ZCCHC24: variants seen among roughly 807,000 people sequenced by gnomAD.
The protein encoded by ZCCHC24 is zinc finger CCHC-type containing 24.
In ZCCHC24, 10 loss-of-function variants were observed where a neutral mutation model predicts 26.2. The ratio of observed to expected loss-of-function variants is 0.38; its 90% CI spans 0.24 to 0.65. The LOEUF is 0.65. Ranked by LOEUF, ZCCHC24 falls within the 30% of genes least tolerant of loss-of-function variation. ZCCHC24 has a pLI of 0.54. For missense variants in ZCCHC24, 243 were observed against 329.1 expected (o/e 0.74, Z 2.03); for synonymous variants, 144 against 147.1 (o/e 0.98, Z 0.15).
At chr10:79,408,328 G>C (rs1856745606) in intron 2 of ZCCHC24, among the ~76,000 whole-genome samples, 1 of 152,200 alleles carries the variant, frequency 6.6e-6, no homozygotes, top group South Asian at 2.1e-4. Flanking sequence ...GGACTACCCA[G>C]GTTAGGCCAG....
In ZCCHC24 at chr10:79,423,581, CTATATATATATATATATA is replaced by C. The variant is rs561884774; in HGVS notation, c.447+8959_447+8976del. On this transcript the variant is annotated intron_variant, in intron 2 of 3. Coordinates refer to ENST00000372336, the MANE Select transcript of ZCCHC24 (RefSeq NM_153367.4). Reference sequence around the variant, plus strand: ...AACAAAAACAAACAAAATATATATACTATATATATATATATATATATATATATATTTTCTGACTGCATT... The same window carrying C: ...AACAAAAACAAACAAAATATATATACTATATATATATTTTCTGACTGCATT... Among the ~76,000 whole-genome samples the C allele has an allele frequency of 2.8e-4, 15 of 53,746 alleles. 1 individual carries two copies. The highest frequency in any genetic ancestry group is 8.5e-4 in the African/African-American group (11 of 12,992). 35.3% of individuals were successfully genotyped at this position (53,746 alleles called of 152,430 possible).
chr10:79,435,478 A>G (rs1391014454), intron 1 of ZCCHC24, among the ~76,000 whole-genome samples: 1 of 152,168 alleles, frequency 6.6e-6, no homozygotes, highest in Non-Finnish European at 1.5e-5. Flanking sequence ...GGAGGGCCGC[A>G]GCCTTGCCCC....
At chr10:79,388,617 G>GC (rs1440952578) in intron 3 of ZCCHC24, among the ~76,000 whole-genome samples, 6 of 152,182 alleles carry the variant, frequency 3.9e-5, no homozygotes. Context: ...CTGGTTTGCA[G>GC]CCCCCACCCC....
At chr10:79,439,141 A>G (rs1857257712) in intron 1 of ZCCHC24, among the ~76,000 whole-genome samples, 2 of 152,208 alleles carry the variant, frequency 1.3e-5, no homozygotes, top group South Asian at 4.1e-4. Context: ...AAACATGTGT[A>G]TATGCATGTG....
chr10:79,393,914 A>T (rs891221499), intron 3 of ZCCHC24, among the ~76,000 whole-genome samples: 1 of 151,310 alleles, frequency 6.6e-6, no homozygotes, highest in African/African-American at 2.4e-5. Flanking sequence ...AGCTGGCCCT[A>T]CCCCTCCCAC....
intron 3 of ZCCHC24, among the ~76,000 whole-genome samples, chr10:79,387,404 C>T (rs1477785072): frequency 6.6e-6 from 1 of 152,204 alleles, no homozygotes; most frequent in African/African-American, 2.4e-5. Flanking sequence ...TCCCTGCTCG[C>T]TCTTTTCCTC....
intron 1 of ZCCHC24, among the ~76,000 whole-genome samples, chr10:79,443,874 G>T (rs901021473): frequency 6.6e-6 from 1 of 152,202 alleles, no homozygotes; most frequent in African/African-American, 2.4e-5. Context: ...TTCCTCCTCT[G>T]CACCCAGCCC....
rs939589131 is a variant in ZCCHC24 at position 79,382,368 on chromosome 10, A to G, written c.*3977T>C. On this transcript the variant is annotated 3_prime_UTR_variant, in exon 4 of 4. Coordinates refer to ENST00000372336, the MANE Select transcript of ZCCHC24 (RefSeq NM_153367.4). Reference sequence around the variant, plus strand: ...TTTTAATACAGCATGAAGAGGCTATATTTCTATAGGCGAGCCGTATACAGA... The same window carrying G: ...TTTTAATACAGCATGAAGAGGCTATGTTTCTATAGGCGAGCCGTATACAGA... 2.6e-5 allele frequency: 4 copies of G among 152,750 alleles called. No homozygotes were observed. The highest frequency in any genetic ancestry group is 4.4e-5 in the Non-Finnish European group (3 of 68,032). The allele number at this position is 152,750 out of a possible 1,614,324, so 9.5% of individuals were successfully genotyped here. A position where few individuals can be genotyped will look rare whatever the true frequency, so the allele number is the denominator to read the frequency against.
chr10:79,415,888 A>G, intron 2 of ZCCHC24, among the ~76,000 whole-genome samples: 1 of 152,206 alleles, frequency 6.6e-6, no homozygotes, highest in Non-Finnish European at 1.5e-5. Context: ...AGAAGGCCCA[A>G]GAGGCAGCCT....
At chr10:79,441,516 A>G (rs1158078829) in intron 1 of ZCCHC24, among the ~76,000 whole-genome samples, 2 of 152,078 alleles carry the variant, frequency 1.3e-5, no homozygotes, top group Non-Finnish European at 2.9e-5. Flanking sequence ...GAACTATCCA[A>G]CAATGAAGAG....
chr10:79,383,176 A>G lies in ZCCHC24; in HGVS notation c.*3169T>C, dbSNP rs1169983493. On this transcript the variant is annotated 3_prime_UTR_variant, in exon 4 of 4. Transcript: ENST00000372336. Reference sequence around the variant, plus strand: ...AATACTTTCCAAAATACACATATGTATAAATACAGGACAAGAACATATTAA... The same window carrying G: ...AATACTTTCCAAAATACACATATGTGTAAATACAGGACAAGAACATATTAA... The G allele has an allele frequency of 1.3e-5, 2 of 152,750 alleles. No individual in the cohort carries two copies. Among genetic ancestry groups the G allele is most frequent in the East Asian group, 1.9e-4 (1 of 5,344 alleles). The allele number at this position is 152,750 out of a possible 1,614,324, so 9.5% of individuals were successfully genotyped here. A position where few individuals can be genotyped will look rare whatever the true frequency, so the allele number is the denominator to read the frequency against.
intron 1 of ZCCHC24, among the ~76,000 whole-genome samples, chr10:79,438,209 C>G (rs1250426260): frequency 6.6e-6 from 1 of 152,170 alleles, no homozygotes; most frequent in Non-Finnish European, 1.5e-5. Context: ...GCCACCCCTA[C>G]TCCACCCCAC....
In ZCCHC24 at chr10:79,445,509, G is replaced by T; in HGVS notation, c.-69C>A. On this transcript the variant is annotated 5_prime_UTR_variant, in exon 1 of 4. Coordinates refer to ENST00000372336, the MANE Select transcript of ZCCHC24 (RefSeq NM_153367.4). ...GCCCCCCTCCGCAGCGGAGGGGCGGGCACCGGGGAGCCTGTGCCCACTGCC... is the reference window on the plus strand; with the variant it reads ...GCCCCCCTCCGCAGCGGAGGGGCGGTCACCGGGGAGCCTGTGCCCACTGCC... The T allele has an allele frequency of 8.0e-7, 1 of 1,248,934 alleles. No homozygotes were observed. Among genetic ancestry groups the T allele is most frequent in the Non-Finnish European group, 1.0e-6 (1 of 989,248 alleles). 77.4% of individuals were successfully genotyped at this position (1,248,934 alleles called of 1,614,324 possible). A position where few individuals can be genotyped will look rare whatever the true frequency, so the allele number is the denominator to read the frequency against.
chr10:79,410,709 T>G (rs1021748033), intron 2 of ZCCHC24, among the ~76,000 whole-genome samples: 2 of 151,006 alleles, frequency 1.3e-5, no homozygotes, highest in East Asian at 3.9e-4. Flanking sequence ...GTGAGATCTC[T>G]TTGGCTGCTG....
At chr10:79,390,813 C>T (rs921049964) in intron 3 of ZCCHC24, among the ~76,000 whole-genome samples, 3 of 152,110 alleles carry the variant, frequency 2.0e-5, no homozygotes, top group Non-Finnish European at 1.5e-5. Context: ...GCAGATGTGG[C>T]GGCCAGGAGA....
intron 3 of ZCCHC24, among the ~76,000 whole-genome samples, chr10:79,391,042 G>A (rs1481572376): frequency 6.6e-6 from 1 of 152,112 alleles, no homozygotes; most frequent in African/African-American, 2.4e-5. Flanking sequence ...TGGGCGGTGG[G>A]AGACCTGAGT....
Position 79,429,186 on chromosome 10 carries a change from CA to C in ZCCHC24, c.447+3371del, listed in dbSNP as rs566248767. On this transcript the variant is annotated intron_variant, in intron 2 of 3. Coordinates refer to ENST00000372336, the MANE Select transcript of ZCCHC24 (RefSeq NM_153367.4). ...GTGAAAGAAGCCAGTCATAAAAGACCACATGTTACATGATTCTAGTTATATG... is the reference window on the plus strand; with the variant it reads ...GTGAAAGAAGCCAGTCATAAAAGACCCATGTTACATGATTCTAGTTATATG... Among the ~76,000 whole-genome samples, 14 of 152,072 alleles carry C rather than the reference CA, an allele frequency of 9.2e-5. No individual in the cohort carries two copies. In the South Asian group the frequency reaches 2.9e-3, roughly 31 times the overall value.
intron 3 of ZCCHC24, 136 bp downstream of exon 3, chr10:79,394,140 C>T: frequency 1.6e-6 from 2 of 1,250,964 alleles, no homozygotes; most frequent in Non-Finnish European, 2.2e-6. Flanking sequence ...CCTTCCCTCC[C>T]ATTTCAGATG....
chr10:79,391,469 G>A (rs957091988), intron 3 of ZCCHC24, among the ~76,000 whole-genome samples: 36 of 152,050 alleles, frequency 2.4e-4, no homozygotes, highest in African/African-American at 8.5e-4. Flanking sequence ...CGGAGACTGG[G>A]TTCCTGTGGG....
Sources: allele counts gnomAD v4.1 joint callset (sites outside exome capture counted in the v4.1 genomes callset), GRCh38; gene constraint gnomAD v4.1.1; transcripts MANE v1.5; gene names NCBI Gene and HGNC (gene_info 2026-07-23, HGNC 2026-07-21).